Variants in MIB2 observed in about 807,000 individuals in gnomAD.
The protein encoded by MIB2 is MIB E3 ubiquitin protein ligase 2, also known as E3 ubiquitin-protein ligase MIB2.
A neutral mutation model predicts 96.6 loss-of-function variants in MIB2; 78 were observed. The observed-to-expected ratio is 0.81, with a 90% confidence interval of 0.67 to 0.97. The LOEUF (loss-of-function observed/expected upper bound fraction) is 0.97. MIB2 is among the 50% of genes least tolerant of loss of function. The pLI is 0.00. For missense variants in MIB2, 1,543 were observed against 1,424.0 expected (o/e 1.08, Z -1.35); for synonymous variants, 820 against 629.5 (o/e 1.30, Z -4.53).
rs1374189510 is a variant in MIB2, at chr1:1,628,701, G to A, written c.2181G>A (p.Gly727=). 1.3e-6 allele frequency: 2 copies of A among 1,555,716 alleles called. No homozygotes were observed. Among genetic ancestry groups the A allele is most frequent in the Admixed American group, 1.9e-5 (1 of 52,906 alleles). The change falls in exon 16 of 20, where the codon GGG becomes GGA. Residue 727 remains glycine (G), a synonymous_variant. Coordinates refer to ENST00000355826, the MANE Select transcript of MIB2 (RefSeq NM_001170687.4). ...CTGATGGGGCCGGGGGGGACCCAGG[G>A]CCCTTGCAGCTGCTGTCCAGGGTGA... is the stretch of plus-strand genomic sequence containing the variant. ...LVADGAGGDP[G]PLQLLSRLQA...
At chr1:1,623,969 C>T (rs1239377776) in intron 4 of MIB2, 24 bp downstream of exon 4, 9 of 1,588,290 alleles carry the variant, frequency 5.7e-6, no homozygotes, top group East Asian at 2.3e-5. Flanking sequence ...CGCACCGGCT[C>T]CTGTGCGGCG....
chr1:1,630,353 G>A lies in MIB2; in HGVS notation c.2691G>A (p.Glu897=), dbSNP rs774962221. The change falls in exon 20 of 20, where the codon GAG becomes GAA. Residue 897 remains glutamate, a synonymous_variant. Coordinates refer to ENST00000355826, the MANE Select transcript of MIB2 (RefSeq NM_001170687.4). ...GCCCGCCGCGCCAGCTGGTGGAGGA[G>A]CTGCAGAGCCGCTACCGGCAGATGG... The part of the protein sequence containing the change: ...APGPPRQLVE[E]LQSRYRQMEE... The A allele has an allele frequency of 5.5e-5, 84 of 1,539,510 alleles. No homozygotes were observed. The highest frequency in any genetic ancestry group is 7.2e-5 in the Non-Finnish European group (82 of 1,144,536).
Position 1,623,795 on chromosome 1 carries a change from T to TC in MIB2, c.270dup (p.Cys91LeufsTer2). ...CCAGGCGTCCGGCACCCCAACATCA[T>TC]CTGTGACTGCTGCAAGAAGCACGGG... On this transcript the variant is annotated frameshift_variant, in exon 4 of 20. Transcript: ENST00000355826. LOFTEE classifies it high-confidence loss of function. The TC allele has an allele frequency of 6.2e-7, 1 of 1,604,964 alleles. No homozygotes were observed.
chr1:1,623,651 G>C lies in MIB2; in HGVS notation c.199G>C (p.Gly67Arg). 6.8e-7 allele frequency: 1 copy of C among 1,478,020 alleles called. No homozygotes were observed. Among genetic ancestry groups the C allele is most frequent in the Non-Finnish European group, 9.0e-7 (1 of 1,111,258 alleles). The allele number at this position is 1,478,020 out of a possible 1,614,324, so 91.6% of individuals were successfully genotyped here. ...GGGCACGCGCACCAACTACCGCGCC[G>C]GCTACCAGGGCGCGCACGACCTGCT... ...DQGTRTNYRA[G>R]YQGAHDLLLY... The change falls in exon 3 of 20, where the codon GGC (glycine) becomes CGC (arginine). Residue 67 changes from glycine (G) to arginine (R), a missense_variant. By Grantham distance (125) the Gly-to-Arg change is moderately radical. Transcript: ENST00000355826.
upstream of MIB2, chr1:1,614,736 GC>G (rs1191052531): frequency 6.6e-6 from 1 of 152,328 alleles, no homozygotes; most frequent in Non-Finnish European, 1.5e-5. Context: ...GAAATGAGAG[GC>G]CGGGCGCGGT....
intron 2 of MIB2, among the ~76,000 whole-genome samples, chr1:1,621,439 G>A (rs1375058566): frequency 6.6e-6 from 1 of 152,252 alleles, no homozygotes; most frequent in Non-Finnish European, 1.5e-5. Flanking sequence ...GGGCTCACTG[G>A]TGCCACAGGA....
Position 1,629,296 on chromosome 1 carries a change from G to C in MIB2, c.2366G>C (p.Cys789Ser). ...CGCGTGCTCAAGGCCCTTCAGGGCT[G>C]CGCCCAGCGCTTCCGGTGAGTCCGT... is the stretch of plus-strand genomic sequence containing the variant. ...EGRVLKALQG[C>S]AQRFRERQAG... The change falls in exon 17 of 20, where the codon TGC becomes TCC. Residue 789 changes from cysteine (C) to serine (S), a missense_variant. Transcript: ENST00000355826. 1 of 1,509,016 alleles carries C rather than the reference G, an allele frequency of 6.6e-7. No individual in the cohort carries two copies. Among genetic ancestry groups the C allele is most frequent in the African/African-American group, 1.5e-5 (1 of 68,710 alleles). 93.5% of individuals were successfully genotyped at this position (1,509,016 alleles called of 1,614,324 possible).
intron 2 of MIB2, chr1:1,617,499 C>T (rs1643867717): frequency 6.6e-6 from 1 of 152,238 alleles, no homozygotes; most frequent in Admixed American, 6.5e-5. Flanking sequence ...CCGGTGTCTG[C>T]TTGCGTGGTT....
rs776051887 is a variant in MIB2, at chr1:1,628,358, C to G, written c.1927C>G (p.Leu643Val). ...CTTCACGGCGCTGCATCTGGCTGCC[C>G]TCAACAACCACCGCGAGGTGGCCCA... is the stretch of plus-strand genomic sequence containing the variant. ...DGFTALHLAA[L>V]NNHREVAQIL... Residue 643 changes from leucine (L) to valine (V), a missense_variant, in exon 15 of 20, where the codon CTC (leucine) becomes GTC (valine). Transcript: ENST00000355826. The G allele has an allele frequency of 6.2e-7, 1 of 1,612,758 alleles. No individual in the cohort carries two copies. Among genetic ancestry groups the G allele is most frequent in the South Asian group, 1.1e-5 (1 of 91,080 alleles).
intron 19 of MIB2, among the ~76,000 whole-genome samples, chr1:1,629,951 G>C (rs1638475543): frequency 6.9e-6 from 1 of 144,840 alleles, no homozygotes; most frequent in African/African-American, 2.6e-5. Context: ...AGCCCCGCTG[G>C]ATTTCACGGC....
intron 2 of MIB2, among the ~76,000 whole-genome samples, chr1:1,621,919 C>G (rs1057077445): frequency 1.3e-5 from 2 of 152,254 alleles, no homozygotes; most frequent in Non-Finnish European, 2.9e-5. Flanking sequence ...GGGGCTCAGG[C>G]CCCTGAGTCA....
In MIB2 at chr1:1,616,571, A is replaced by G; in HGVS notation, c.-66A>G. 3 of 1,603,482 alleles carry G rather than the reference A, an allele frequency of 1.9e-6. No homozygotes were observed. The highest frequency in any genetic ancestry group is 1.3e-5 in the African/African-American group (1 of 74,636). ...TTTCCAGGCATCAGGGCTGCAGCCC[A>G]GGAGCCTCAAGGCGGCCCGGCGGGC... On this transcript the variant is annotated 5_prime_UTR_variant, in exon 2 of 20. Coordinates refer to ENST00000355826, the MANE Select transcript of MIB2 (RefSeq NM_001170687.4).
intron 19 of MIB2, among the ~76,000 whole-genome samples, chr1:1,630,089 C>G (rs1638542210): frequency 6.7e-6 from 1 of 149,998 alleles, no homozygotes; most frequent in African/African-American, 2.5e-5. Flanking sequence ...CGCACACCAC[C>G]TTATGCCTGA....
In MIB2 at chr1:1,621,280, G is replaced by A. The variant is rs1409298853; in HGVS notation, c.-22-2151G>A. ...GCTCCTGGCTCCGCGGGGCCTCCGA[G>A]GGCAAGGTGGGGTTTCTCTGGCTGC... On this transcript the variant is annotated intron_variant, in intron 2 of 19. Transcript: ENST00000355826. 2.6e-5 allele frequency among the ~76,000 whole-genome samples: 4 copies of A among 152,332 alleles called. No homozygotes were observed. The East Asian group carries it at 5.8e-4, about 22-fold the overall frequency.
chr1:1,622,447 C>G (rs1014474323), intron 2 of MIB2, among the ~76,000 whole-genome samples: 4 of 152,182 alleles, frequency 2.6e-5, no homozygotes, highest in African/African-American at 4.8e-5. Flanking sequence ...CGGGGGTCAG[C>G]GCCCAGACTG....
Position 1,615,629 on chromosome 1 carries a change from T to C in MIB2, c.-134T>C. Reference sequence around the variant, plus strand: ...GCGCGATGCGGGCCGTCCTCTCGGCTGATGGTGCGTGCGGGCGCGGATCTC... The same window carrying C: ...GCGCGATGCGGGCCGTCCTCTCGGCCGATGGTGCGTGCGGGCGCGGATCTC... On this transcript the variant is annotated 5_prime_UTR_variant, in exon 1 of 20. Coordinates refer to ENST00000355826, the MANE Select transcript of MIB2 (RefSeq NM_001170687.4). 2 of 1,573,940 alleles carry C rather than the reference T, an allele frequency of 1.3e-6. No individual in the cohort carries two copies. The highest frequency in any genetic ancestry group is 1.4e-5 in the African/African-American group (1 of 72,748).
At chr1:1,622,605 G>A (rs936984937) in intron 2 of MIB2, among the ~76,000 whole-genome samples, 1 of 152,254 alleles carries the variant, frequency 6.6e-6, no homozygotes, top group Non-Finnish European at 1.5e-5. Flanking sequence ...GCTCTGGCTT[G>A]TGCTCTGTGT....
At position 1,626,978 on chromosome 1, in the gene MIB2, G is replaced by A. The variant is rs766579165; in HGVS notation, c.1219G>A (p.Glu407Lys). The change falls in exon 10 of 20, where the codon GAG becomes AAG. Residue 407 changes from glutamate (E) to lysine (K), a missense_variant. Transcript: ENST00000355826. This position sits in a 1 kb window ranked among gnomAD's most constrained non-coding sequence, Gnocchi z 5.3. ...GGAGGATGCCAACCTGGACGTGGCC[G>A]AGCGCGCCCGGGAGAACAAAAGTGC... ...PEEDANLDVA[E>K]RARENKSSLS... 52 of 1,611,368 alleles carry A rather than the reference G, an allele frequency of 3.2e-5. No individual in the cohort carries two copies. Among genetic ancestry groups the A allele is most frequent in the East Asian group, 1.3e-4 (6 of 44,824 alleles).
In MIB2 at chr1:1,630,430, T is replaced by G; in HGVS notation, c.2768T>G (p.Phe923Cys). The change falls in exon 20 of 20, where the codon TTC becomes TGC. Residue 923 changes from phenylalanine (F) to cysteine (C), a missense_variant. By Grantham distance (205) the Phe-to-Cys change is radical (BLOSUM62 -2). Coordinates refer to ENST00000355826, the MANE Select transcript of MIB2 (RefSeq NM_001170687.4). ...ATCGACAGCCACATCCGCCTCGTGT[T>G]CCAGTGCGGCCACGGCGCATGCGCC... ...ICIDSHIRLV[F>C]QCGHGACAPC... 6.3e-7 allele frequency: 1 copy of G among 1,587,934 alleles called. No individual in the cohort carries two copies. Among genetic ancestry groups the G allele is most frequent in the South Asian group, 1.1e-5 (1 of 88,054 alleles).
Sources: allele counts gnomAD v4.1 joint callset (sites outside exome capture counted in the v4.1 genomes callset), GRCh38; gene constraint gnomAD v4.1.1; non-coding constraint Gnocchi (gnomAD v3.1); transcripts MANE v1.5; gene names NCBI Gene and HGNC (gene_info 2026-07-23, HGNC 2026-07-21).